GNAL: variants seen among roughly 807,000 people sequenced by gnomAD.
The protein encoded by GNAL is guanine nucleotide-binding protein G(olf) subunit alpha.
GNAL carries 18 observed loss-of-function variants against 55.1 expected under a neutral mutation model. That is an observed-to-expected ratio of 0.33 (90% CI 0.23 to 0.48). GNAL has a LOEUF of 0.48. Ranked by LOEUF, GNAL falls within the 20% of genes least tolerant of loss-of-function variation. GNAL has a pLI of 0.99. For synonymous variants in GNAL, 253 were observed against 237.0 expected (o/e 1.07, Z -0.62); for missense variants, 412 against 614.1 (o/e 0.67, Z 3.48).
At chr18:11,878,553 C>T (rs893483486) in intron 11 of GNAL, among the ~76,000 whole-genome samples, 7 of 152,146 alleles carry the variant, frequency 4.6e-5, no homozygotes, top group East Asian at 3.9e-4. Flanking sequence ...CACACTATTA[C>T]AGAAGAAAGC....
At chr18:11,854,040 G>C (rs1437696002) in intron 5 of GNAL, 1 of 166,698 alleles carries the variant, frequency 6.0e-6, no homozygotes, top group African/African-American at 2.4e-5. Flanking sequence ...GGCCAGGCTG[G>C]TCTTGAACTC....
intron 1 of GNAL, among the ~76,000 whole-genome samples, chr18:11,736,474 A>C (rs1234880906): frequency 6.6e-6 from 1 of 152,162 alleles, no homozygotes; most frequent in Non-Finnish European, 1.5e-5. Context: ...ATAAGATTTA[A>C]AGTATCACAT....
chr18:11,856,754 C>T (rs997278006), intron 5 of GNAL, among the ~76,000 whole-genome samples: 1 of 148,376 alleles, frequency 6.7e-6, no homozygotes, highest in African/African-American at 2.6e-5. Flanking sequence ...GGTGAAACCC[C>T]GTCTCTACTA....
chr18:11,876,870 C>T (rs900508372), intron 11 of GNAL, among the ~76,000 whole-genome samples, 182 bp downstream of exon 11: 4 of 152,202 alleles, frequency 2.6e-5, no homozygotes, highest in Non-Finnish European at 5.9e-5. Flanking sequence ...TTAGATTTCT[C>T]ACCCAAGGTC....
intron 4 of GNAL, among the ~76,000 whole-genome samples, chr18:11,767,215 G>T (rs915289562): frequency 1.3e-5 from 2 of 150,536 alleles, no homozygotes; most frequent in Non-Finnish European, 3.0e-5. Flanking sequence ...TCCTCTCTGT[G>T]CACCCTTATG....
In GNAL at chr18:11,885,001, A is replaced by G. The variant is rs1368226052; in HGVS notation, c.*3866A>G. 3 of 1,300,928 alleles carry G rather than the reference A, an allele frequency of 2.3e-6. No individual in the cohort carries two copies. The highest frequency in any genetic ancestry group is 4.6e-5 in the Admixed American group (2 of 43,386). 80.6% of individuals were successfully genotyped at this position (1,300,928 alleles called of 1,614,324 possible). On this transcript the variant is annotated 3_prime_UTR_variant, in exon 12 of 12. Coordinates refer to ENST00000334049, the MANE Select transcript of GNAL (RefSeq NM_182978.4). ...CGGTCAGCGAGGAACAAGGAGGGAA[A>G]GGTGTCTTCCTGCCCCTTGATGCTC...
intron 4 of GNAL, among the ~76,000 whole-genome samples, chr18:11,798,187 G>A (rs965862767): frequency 1.3e-5 from 2 of 152,176 alleles, no homozygotes; most frequent in African/African-American, 2.4e-5. Context: ...TTACAACACA[G>A]TGAGACACCA....
At position 11,689,793 on chromosome 18, in the gene GNAL, G is replaced by T. The variant is rs2031176784; in HGVS notation, c.230G>T (p.Arg77Leu). The change falls in exon 1 of 12, where the codon CGC becomes CTC. Residue 77 changes from arginine (R) to leucine (L), a missense_variant. Transcript: ENST00000334049. ...GACAAGCCGAAGGAGAAGCGGCAGC[G>T]CACCGAGCAGCTGAGTGCCGAGGAG... Reference protein sequence around the residue: ...KADKPKEKRQRTEQLSAEERE... With the variant: ...KADKPKEKRQLTEQLSAEERE... The T allele has an allele frequency of 3.3e-6, 5 of 1,535,212 alleles. No individual in the cohort carries two copies. The highest frequency in any genetic ancestry group is 4.4e-6 in the Non-Finnish European group (5 of 1,144,128).
intron 5 of GNAL, among the ~76,000 whole-genome samples, chr18:11,836,637 G>A (rs2035504444): frequency 6.6e-6 from 1 of 152,158 alleles, no homozygotes; most frequent in Admixed American, 6.5e-5. Flanking sequence ...TTATTTTGCA[G>A]ATGAGGATAT....
chr18:11,844,638 G>C (rs1043361555), intron 5 of GNAL, among the ~76,000 whole-genome samples: 1 of 151,934 alleles, frequency 6.6e-6, no homozygotes, highest in Non-Finnish European at 1.5e-5. Context: ...ACATGTCCCC[G>C]GGAACAGCAG....
At chr18:11,845,335 CA>C (rs1209651997) in intron 5 of GNAL, among the ~76,000 whole-genome samples, 1 of 152,020 alleles carries the variant, frequency 6.6e-6, no homozygotes, top group African/African-American at 2.4e-5. Context: ...ATTTTCCATC[CA>C]GAAGCATGTT....
intron 1 of GNAL, among the ~76,000 whole-genome samples, chr18:11,745,431 T>C (rs2032668362): frequency 6.6e-6 from 1 of 152,230 alleles, no homozygotes; most frequent in Admixed American, 6.5e-5. Flanking sequence ...GTTTTTAAAT[T>C]ATTATTCAAA....
At chr18:11,834,900 G>C (rs1264205882) in intron 5 of GNAL, among the ~76,000 whole-genome samples, 1 of 152,194 alleles carries the variant, frequency 6.6e-6, no homozygotes, top group Non-Finnish European at 1.5e-5. Flanking sequence ...GGCCCTGCAG[G>C]TGAGCCCCAG....
chr18:11,824,777 G>T, intron 4 of GNAL, 141 bp from the exon 5 acceptor site: 5 of 572,958 alleles, frequency 8.7e-6, no homozygotes, highest in Non-Finnish European at 1.5e-5. Flanking sequence ...TAGAGTCGGT[G>T]CATTTTACTA....
chr18:11,702,842 G>C (rs930382109), intron 1 of GNAL, among the ~76,000 whole-genome samples: 10 of 151,788 alleles, frequency 6.6e-5, no homozygotes, highest in Non-Finnish European at 1.3e-4. Flanking sequence ...AAATAGCCCG[G>C]TGCGATGGCT....
intron 5 of GNAL, 67 bp from the exon 6 acceptor site, chr18:11,862,328 T>C (rs1481798828): frequency 4.7e-6 from 6 of 1,285,816 alleles, no homozygotes; most frequent in Non-Finnish European, 6.8e-6. Flanking sequence ...GTCCCATTAA[T>C]TTCTCCCCAA....
chr18:11,800,437 C>G (rs995348603), intron 4 of GNAL, among the ~76,000 whole-genome samples: 1 of 152,196 alleles, frequency 6.6e-6, no homozygotes, highest in African/African-American at 2.4e-5. Flanking sequence ...AAGAATTCTA[C>G]AGGCATGAAA....
intron 1 of GNAL, among the ~76,000 whole-genome samples, chr18:11,730,123 TC>T (rs1835984011): frequency 6.6e-6 from 1 of 151,496 alleles, no homozygotes; most frequent in Non-Finnish European, 1.5e-5. Flanking sequence ...AAGCTCTGCC[TC>T]CCAGGTTCAC....
At chr18:11,703,214 A>G (rs2031619196) in intron 1 of GNAL, among the ~76,000 whole-genome samples, 1 of 152,252 alleles carries the variant, frequency 6.6e-6, no homozygotes, top group Non-Finnish European at 1.5e-5. Context: ...TGAGAGGCTC[A>G]TTGGAAAGCA....
Sources: allele counts gnomAD v4.1 joint callset (sites outside exome capture counted in the v4.1 genomes callset), GRCh38; gene constraint gnomAD v4.1.1; transcripts MANE v1.5; gene names NCBI Gene and HGNC (gene_info 2026-07-23, HGNC 2026-07-21).